Variants in QTMAN observed in about 807,000 individuals in gnomAD.
QTMAN encodes tRNA-queuosine alpha-mannosyltransferase.
chr2:144,190,019 G>A, the QTMAN span, among the ~76,000 whole-genome samples: 2 of 152,062 alleles, frequency 1.3e-5, no homozygotes, highest in African/African-American at 2.4e-5. Context: ...TAACATTAAG[G>A]AATTACTTGG....
chr2:144,293,005 A>T, the QTMAN span, among the ~76,000 whole-genome samples: 27 of 152,198 alleles, frequency 1.8e-4, no homozygotes, highest in Non-Finnish European at 8.8e-5. Context: ...TTTTGTAAAA[A>T]ATAATAATAT....
chr2:144,010,715 A>G, the QTMAN span, among the ~76,000 whole-genome samples: 16 of 152,112 alleles, frequency 1.1e-4, no homozygotes, highest in Non-Finnish European at 2.1e-4. Flanking sequence ...ATAATAATTA[A>G]GGCAATGGAA....
chr2:144,145,723 A>G, the QTMAN span: 2 of 1,609,268 alleles, frequency 1.2e-6, no homozygotes, highest in African/African-American at 2.7e-5. Flanking sequence ...TTAAGCACTG[A>G]ACTTGCAAAG....
the QTMAN span, among the ~76,000 whole-genome samples, chr2:144,124,429 C>T: frequency 6.6e-6 from 1 of 152,130 alleles, no homozygotes; most frequent in African/African-American, 2.4e-5. Context: ...ATGAATTTTA[C>T]AGTACCTCGC....
At chr2:144,296,568 G>A in the QTMAN span, among the ~76,000 whole-genome samples, 3 of 152,070 alleles carry the variant, frequency 2.0e-5, no homozygotes, top group Admixed American at 6.6e-5. Flanking sequence ...AATACACAAA[G>A]TATTTCAAAT....
chr2:144,183,449 C>T, the QTMAN span, among the ~76,000 whole-genome samples: 1 of 152,054 alleles, frequency 6.6e-6, no homozygotes, highest in African/African-American at 2.4e-5. Flanking sequence ...ACTTGTCCAA[C>T]AGTTTTCATC....
At chr2:144,083,691 T>A in the QTMAN span, among the ~76,000 whole-genome samples, 1 of 152,150 alleles carries the variant, frequency 6.6e-6, no homozygotes. Flanking sequence ...TTTTCCAACA[T>A]TGAAGACATT....
At chr2:144,119,292 A>C in the QTMAN span, among the ~76,000 whole-genome samples, 1 of 152,216 alleles carries the variant, frequency 6.6e-6, no homozygotes, top group African/African-American at 2.4e-5. Context: ...CCATGTGCAC[A>C]AACCCTGAGA....
At chr2:144,126,762 G>T in the QTMAN span, among the ~76,000 whole-genome samples, 1 of 151,910 alleles carries the variant, frequency 6.6e-6, no homozygotes, top group Admixed American at 6.6e-5. Flanking sequence ...CATTAATACA[G>T]GCCACACAAC....
At chr2:143,973,379 T>A in the QTMAN span, among the ~76,000 whole-genome samples, 1 of 152,212 alleles carries the variant, frequency 6.6e-6, no homozygotes. Context: ...TTTAAAGTAT[T>A]ATTTATGTCT....
At chr2:144,082,655 T>C in the QTMAN span, among the ~76,000 whole-genome samples, 1 of 152,176 alleles carries the variant, frequency 6.6e-6, no homozygotes, top group Non-Finnish European at 1.5e-5. Flanking sequence ...TGATTTTGTA[T>C]AACCCTCTTA....
At chr2:143,952,015 C>T in the QTMAN span, 1 of 1,599,930 alleles carries the variant, frequency 6.3e-7, no homozygotes, top group South Asian at 1.1e-5. Flanking sequence ...TATCTGGTCT[C>T]TTGCAGAAAT....
chr2:143,951,740 A>G, the QTMAN span, among the ~76,000 whole-genome samples: 1 of 151,508 alleles, frequency 6.6e-6, no homozygotes, highest in East Asian at 1.9e-4. Flanking sequence ...AAGGACAGTC[A>G]TCTTAGAAAA....
chr2:144,150,178 T>G, the QTMAN span, among the ~76,000 whole-genome samples: 2 of 152,190 alleles, frequency 1.3e-5, no homozygotes, highest in South Asian at 2.1e-4. Context: ...TCATACACAA[T>G]TTCTTGCATG....
At chr2:144,180,080 C>T in the QTMAN span, among the ~76,000 whole-genome samples, 36 of 152,200 alleles carry the variant, frequency 2.4e-4, no homozygotes, top group African/African-American at 7.2e-4. Flanking sequence ...TAGATGTATT[C>T]CAATGAAGAT....
chr2:144,064,982 C>T, the QTMAN span, among the ~76,000 whole-genome samples: 1 of 152,130 alleles, frequency 6.6e-6, no homozygotes, highest in African/African-American at 2.4e-5. Flanking sequence ...AGGGCCAACA[C>T]ATGAAATGAC....
chr2:143,968,792 G>C, the QTMAN span, among the ~76,000 whole-genome samples: 1 of 152,084 alleles, frequency 6.6e-6, no homozygotes, highest in African/African-American at 2.4e-5. Flanking sequence ...ATTCTCTTCT[G>C]TGCTTTCCTT....
At chr2:144,268,521 G>A in the QTMAN span, among the ~76,000 whole-genome samples, 1 of 152,052 alleles carries the variant, frequency 6.6e-6, no homozygotes, top group African/African-American at 2.4e-5. Context: ...GTGGCCATCT[G>A]CTAACCAGGA....
chr2:144,150,582 C>A, the QTMAN span, among the ~76,000 whole-genome samples: 1 of 151,984 alleles, frequency 6.6e-6, no homozygotes, highest in African/African-American at 2.4e-5. Context: ...AACCAGCTTT[C>A]CCTAACCTGA....
Sources: allele counts gnomAD v4.1 joint callset (sites outside exome capture counted in the v4.1 genomes callset), GRCh38; gene constraint gnomAD v4.1.1; transcripts MANE v1.5; gene names NCBI Gene and HGNC (gene_info 2026-07-23, HGNC 2026-07-21).